The following EYS variants were observed in gnomAD, a reference collection of about 807,000 sequenced individuals.
EYS encodes EGF-like photoreceptor maintenance factor.
Under a neutral mutation model 282.1 loss-of-function variants are expected in EYS, and 250 were observed. The observed-to-expected ratio is 0.89, with a 90% CI of 0.80 to 0.98. The LOEUF (loss-of-function observed/expected upper bound fraction) is 0.98. Ranked by LOEUF, EYS falls within the 50% of genes least tolerant of loss-of-function variation. The probability of loss-of-function intolerance (pLI) is 0.00; values close to 1 mark genes in which losing one functional copy is unlikely to be tolerated. For missense variants in EYS, 4,016 were observed against 3,709.0 expected (o/e 1.08, Z -2.15); for synonymous variants, 1,355 against 1,282.9 (o/e 1.06, Z -1.20).
At chr6:65,292,423 A>C (rs1377999916) in intron 12 of EYS, among the ~76,000 whole-genome samples, 1 of 151,720 alleles carries the variant, frequency 6.6e-6, no homozygotes, top group Non-Finnish European at 1.5e-5. Context: ...ATCAAGGGTA[A>C]AAATCTTACT....
intron 12 of EYS, among the ~76,000 whole-genome samples, chr6:65,091,188 C>A (rs185489820): frequency 1.5e-3 from 222 of 148,376 alleles, no homozygotes; most frequent in Middle Eastern, 0.01. Flanking sequence ...AATCCTAGCA[C>A]TTTGGGAGGC....
At chr6:64,641,405 T>A (rs1181078550) in intron 22 of EYS, among the ~76,000 whole-genome samples, 3 of 152,148 alleles carry the variant, frequency 2.0e-5, no homozygotes, top group African/African-American at 7.2e-5. Context: ...GATTTGGGTG[T>A]GGACACAGCC....
At chr6:63,898,739 T>C (rs1025228336) in intron 35 of EYS, among the ~76,000 whole-genome samples, 2 of 152,110 alleles carry the variant, frequency 1.3e-5, no homozygotes, top group Non-Finnish European at 2.9e-5. Context: ...ATCACTCGAA[T>C]GATGAATCAA....
At chr6:63,727,730 AAAAAAAAAT>A in intron 41 of EYS, among the ~76,000 whole-genome samples, 1 of 97,124 alleles carries the variant, frequency 1.0e-5, no homozygotes, top group South Asian at 3.3e-4. Context: ...AAAAAAAAAA[AAAAAAAAAT>A]ATATATATAT....
chr6:64,880,866 G>T (rs772712389), intron 19 of EYS, among the ~76,000 whole-genome samples: 3 of 149,402 alleles, frequency 2.0e-5, no homozygotes, highest in Non-Finnish European at 4.5e-5. Flanking sequence ...CTATACACAC[G>T]CTCTAGTATG....
chr6:64,502,905 T>G (rs7766387), intron 26 of EYS, among the ~76,000 whole-genome samples: 2,480 of 152,332 alleles, frequency 0.016, 23 homozygotes, highest in South Asian at 0.035. Flanking sequence ...AAGCATAGTT[T>G]CTCATGGCAT....
At chr6:63,830,861 G>A (rs56397831) in intron 36 of EYS, among the ~76,000 whole-genome samples, 18,386 of 152,178 alleles carry the variant, frequency 0.12, 1,325 homozygotes, top group African/African-American at 0.19. Context: ...GAGTAACAGC[G>A]GATTTCTTGG....
At chr6:64,408,036 A>AT (rs970366737) in intron 28 of EYS, among the ~76,000 whole-genome samples, 13 of 151,566 alleles carry the variant, frequency 8.6e-5, no homozygotes, top group African/African-American at 2.7e-4. Flanking sequence ...CGCACACATT[A>AT]TTTTTTTTTA....
chr6:64,903,002 T>C (rs376643020), intron 16 of EYS, among the ~76,000 whole-genome samples: 6 of 152,106 alleles, frequency 3.9e-5, no homozygotes, highest in African/African-American at 9.6e-5. Flanking sequence ...TTTAAACACA[T>C]GCCAGTTATA....
intron 19 of EYS, among the ~76,000 whole-genome samples, chr6:64,831,448 A>G (rs1277014857): frequency 1.3e-5 from 2 of 151,942 alleles, no homozygotes; most frequent in Non-Finnish European, 2.9e-5. Flanking sequence ...TCTCCAAGGA[A>G]CTTTTACTGA....
At chr6:64,129,140 T>C (rs889933335) in intron 31 of EYS, among the ~76,000 whole-genome samples, 8 of 152,232 alleles carry the variant, frequency 5.3e-5, no homozygotes, top group South Asian at 2.1e-4. Context: ...ACAGAGGTTG[T>C]ATGGCCTATA....
chr6:64,850,351 C>T (rs536528393), intron 19 of EYS, among the ~76,000 whole-genome samples: 1 of 152,024 alleles, frequency 6.6e-6, no homozygotes, highest in Non-Finnish European at 1.5e-5. Context: ...GGCATTGGTC[C>T]AGCATTTGTA....
At chr6:64,019,503 T>C (rs1181524972) in intron 33 of EYS, among the ~76,000 whole-genome samples, 2 of 151,944 alleles carry the variant, frequency 1.3e-5, no homozygotes, top group African/African-American at 2.4e-5. Flanking sequence ...CCCTGTCTCC[T>C]GGATTCAAGT....
chr6:65,500,126 T>A (rs985121680), intron 2 of EYS, among the ~76,000 whole-genome samples: 8 of 152,022 alleles, frequency 5.3e-5, no homozygotes, highest in African/African-American at 1.9e-4. Context: ...CCAAAACACA[T>A]GTTCTCAGTC....
At chr6:64,358,761 T>C (rs1262589640) in intron 29 of EYS, among the ~76,000 whole-genome samples, 1 of 151,572 alleles carries the variant, frequency 6.6e-6, no homozygotes, top group Non-Finnish European at 1.5e-5. Context: ...TGCCAGAAAA[T>C]GGAAACTGAA....
At chr6:64,555,762 CATTACATGAATGTATTAAATT>C (rs1307771499) in intron 26 of EYS, among the ~76,000 whole-genome samples, 1 of 151,824 alleles carries the variant, frequency 6.6e-6, no homozygotes. Context: ...TTAAATCACA[CATTACATGAATGTATTAAATT>C]ATCACATGTA....
intron 2 of EYS, among the ~76,000 whole-genome samples, chr6:65,624,173 T>C (rs890388429): frequency 1.3e-5 from 2 of 152,280 alleles, no homozygotes; most frequent in African/African-American, 4.8e-5. Flanking sequence ...TATATAGAAA[T>C]CTCAAACTTA....
chr6:64,060,716 G>A (rs913686587), intron 33 of EYS, among the ~76,000 whole-genome samples: 1 of 152,100 alleles, frequency 6.6e-6, no homozygotes. Flanking sequence ...GTCAACAGGA[G>A]ATAAAAATTA....
At chr6:63,822,757 GC>G (rs2149686448) in intron 36 of EYS, 1 of 152,048 alleles carries the variant, frequency 6.6e-6, no homozygotes, top group South Asian at 2.1e-4. Context: ...CATTGCATTT[GC>G]TTGGACCTTC....
Sources: allele counts gnomAD v4.1 joint callset (sites outside exome capture counted in the v4.1 genomes callset), GRCh38; gene constraint gnomAD v4.1.1; transcripts MANE v1.5; gene names NCBI Gene and HGNC (gene_info 2026-07-23, HGNC 2026-07-21).